RFC2: variants seen among roughly 807,000 people sequenced by gnomAD.
RFC2 encodes the protein replication factor C subunit 2, also known as A1 40 kDa subunit.
RFC2 carries 34 observed loss-of-function variants against 44.8 expected under a neutral mutation model. The observed-to-expected ratio is 0.76, with a 90% confidence interval of 0.58 to 1.01. The LOEUF (loss-of-function observed/expected upper bound fraction) is 1.01. Among genes scored for constraint, RFC2 ranks in the 50% least tolerant of loss-of-function variants. The pLI, the probability that RFC2 is intolerant of heterozygous loss-of-function variation, is 0.00. For missense variants in RFC2, 400 were observed against 453.6 expected (o/e 0.88, Z 1.07); for synonymous variants, 177 against 168.9 (o/e 1.05, Z -0.37).
At chr7:74,243,303 G>A (rs1391411654) in intron 5 of RFC2, 57 bp from the exon 6 acceptor site, 11 of 1,200,244 alleles carry the variant, frequency 9.2e-6, no homozygotes, top group Admixed American at 3.4e-5. Context: ...GACACAAATC[G>A]TTCCCTATAC....
chr7:74,238,820 G>T lies in RFC2; in HGVS notation c.759+103C>A. The stretch of plus-strand genomic sequence containing the variant: ...GGGCTCCCTGGCACCCACAAGAGCA[G>T]CTAGATGTCCGTCCCCACTGCCAGC... On this transcript the variant is annotated intron_variant, in intron 8 of 10. Transcript: ENST00000055077. This position sits in a 1 kb window ranked among gnomAD's most constrained non-coding sequence, Gnocchi z 4.0. The T allele has an allele frequency of 1.1e-6, 1 of 880,202 alleles. No homozygotes were observed. Among genetic ancestry groups the T allele is most frequent in the Non-Finnish European group, 1.9e-6 (1 of 531,510 alleles). 54.5% of individuals were successfully genotyped at this position (880,202 alleles called of 1,614,324 possible). A position where few individuals can be genotyped will look rare whatever the true frequency, so the allele number is the denominator to read the frequency against.
chr7:74,244,033 T>C (rs1803471521), intron 5 of RFC2, among the ~76,000 whole-genome samples: 1 of 149,646 alleles, frequency 6.7e-6, no homozygotes, highest in Non-Finnish European at 1.5e-5. Context: ...GGTGGCTCTC[T>C]TGAGGTCAGG....
At chr7:74,242,903 A>G (rs1803417020) in intron 6 of RFC2, among the ~76,000 whole-genome samples, 1 of 151,402 alleles carries the variant, frequency 6.6e-6, no homozygotes, top group African/African-American at 2.4e-5. Context: ...AGCCTAGGCG[A>G]CAGAGTGAGA....
At position 74,243,102 on chromosome 7, in the gene RFC2, G is replaced by A. The variant is rs781810359; in HGVS notation, c.535+44C>T. On this transcript the variant is annotated intron_variant, in intron 6 of 10. Transcript: ENST00000055077. ...CATCTATAAAAAAGAAAAAAGCCCAGTTGAGCACCACGTGGCCCCCAGCCA... is the reference window on the plus strand; with the variant it reads ...CATCTATAAAAAAGAAAAAAGCCCAATTGAGCACCACGTGGCCCCCAGCCA... 1.7e-5 allele frequency: 22 copies of A among 1,319,150 alleles called. No homozygotes were observed. The South Asian group carries it at 2.0e-4, about 12-fold the overall frequency. 81.7% of individuals were successfully genotyped at this position (1,319,150 alleles called of 1,614,324 possible). A position where few individuals can be genotyped will look rare whatever the true frequency, so the allele number is the denominator to read the frequency against.
intron 6 of RFC2, among the ~76,000 whole-genome samples, chr7:74,242,633 G>A (rs1272732897): frequency 6.6e-6 from 1 of 151,590 alleles, no homozygotes; most frequent in Non-Finnish European, 1.5e-5. Flanking sequence ...GAGCCAAGGC[G>A]AGGCCAGGTG....
At chr7:74,247,936 CTT>C (rs1195825890) in intron 4 of RFC2, among the ~76,000 whole-genome samples, 7 of 152,048 alleles carry the variant, frequency 4.6e-5, no homozygotes, top group Admixed American at 1.3e-4. Context: ...TGCATATTAA[CTT>C]ATACACATCC....
At chr7:74,233,585 G>A (rs1185594783) in intron 10 of RFC2, among the ~76,000 whole-genome samples, 3 of 137,104 alleles carry the variant, frequency 2.2e-5, no homozygotes, top group Non-Finnish European at 3.2e-5. Context: ...TTTTGTTGTT[G>A]TTGTTATTGG....
At chr7:74,246,416 A>G (rs1174705066) in intron 5 of RFC2, among the ~76,000 whole-genome samples, 5 of 151,764 alleles carry the variant, frequency 3.3e-5, no homozygotes, top group African/African-American at 4.8e-5. Flanking sequence ...AAAAAAAACA[A>G]AAACCCTCAT....
rs1554717732 is a variant in RFC2, at chr7:74,233,859, G to A, written c.955-1643C>T. ...CTCCGGAATGCTGGTGGGAATGCAC[G>A]TGCTGCAGCCACTTCGGAAAACCGT... On this transcript the variant is annotated intron_variant, in intron 10 of 10. Transcript: ENST00000055077. 8.8e-6 allele frequency: 4 copies of A among 456,556 alleles called. No homozygotes were observed. The East Asian group carries it at 2.1e-4, about 24-fold the overall frequency. 28.3% of individuals were successfully genotyped at this position (456,556 alleles called of 1,614,324 possible).
At chr7:74,250,460 G>C (rs1554720876) in intron 2 of RFC2, among the ~76,000 whole-genome samples, 1 of 151,922 alleles carries the variant, frequency 6.6e-6, no homozygotes, top group East Asian at 1.9e-4. Context: ...CTTCAAAACT[G>C]AACACTTCAT....
rs781821398 is a variant in RFC2, at chr7:74,239,940, G to C, written c.691C>G (p.Gln231Glu). Reference sequence around the variant, plus strand: ...CTGAATGGTAGCAGCCCACATACCTGCCTCATGTCTCCCTGGGCCGTGAAG... The same window carrying C: ...CTGAATGGTAGCAGCCCACATACCTCCCTCATGTCTCCCTGGGCCGTGAAG... ...IIFTAQGDMR[Q>E]ALNNLQSTFS... The change falls in exon 7 of 11, where the codon CAG becomes GAG. Residue 231 changes from glutamine (Q) to glutamate (E), a missense_variant and splice_region_variant. Coordinates refer to ENST00000055077, the MANE Select transcript of RFC2 (RefSeq NM_181471.3). 2.5e-5 allele frequency: 40 copies of C among 1,602,302 alleles called. No homozygotes were observed. The highest frequency in any genetic ancestry group is 3.4e-5 in the Non-Finnish European group (40 of 1,174,368).
chr7:74,246,789 G>C lies in RFC2; in HGVS notation c.333-26C>G, dbSNP rs370069069. On this transcript the variant is annotated intron_variant, in intron 4 of 10. Coordinates refer to ENST00000055077, the MANE Select transcript of RFC2 (RefSeq NM_181471.3). ...CTGAAAGAATGACAGGTTTTTACTG[G>C]CACCTTCTGAGACCAATTCAGTTGC... The C allele has an allele frequency of 3.3e-6, 5 of 1,507,674 alleles. No homozygotes were observed. In the South Asian group the frequency reaches 5.7e-5, roughly 17 times the overall value. The allele number at this position is 1,507,674 out of a possible 1,614,324, so 93.4% of individuals were successfully genotyped here. A position where few individuals can be genotyped will look rare whatever the true frequency, so the allele number is the denominator to read the frequency against.
At chr7:74,240,968 T>C (rs1384556305) in intron 6 of RFC2, among the ~76,000 whole-genome samples, 1 of 152,004 alleles carries the variant, frequency 6.6e-6, no homozygotes, top group African/African-American at 2.4e-5. Context: ...AGTCTCTCTG[T>C]TGCCCAGGCT....
At chr7:74,233,708 C>T (rs954138697) in intron 10 of RFC2, 3 of 419,810 alleles carry the variant, frequency 7.1e-6, no homozygotes, top group South Asian at 5.0e-5. Context: ...TCAAGCGATC[C>T]TCCTCCCTCA....
chr7:74,246,770 G>T lies in RFC2; in HGVS notation c.333-7C>A. 6.3e-7 allele frequency: 1 copy of T among 1,599,228 alleles called. No homozygotes were observed. The highest frequency in any genetic ancestry group is 8.6e-7 in the Non-Finnish European group (1 of 1,168,028). ...CCTCACAACGTCAATGCCCCTGAAA[G>T]AATGACAGGTTTTTACTGGCACCTT... On this transcript the variant is annotated splice_polypyrimidine_tract_variant and splice_region_variant and intron_variant, in intron 4 of 10. Transcript: ENST00000055077.
chr7:74,253,479 C>T (rs934824939), intron 1 of RFC2: 4 of 152,196 alleles, frequency 2.6e-5, no homozygotes, highest in African/African-American at 4.8e-5. Context: ...AATCCCAGCA[C>T]TTTGGGAAGG....
chr7:74,249,846 G>GA (rs782504934), intron 2 of RFC2, 66 bp from the exon 3 acceptor site: 14 of 1,377,722 alleles, frequency 1.0e-5, no homozygotes, highest in Non-Finnish European at 1.4e-5. Flanking sequence ...AAAAAAGATA[G>GA]AAAAAAGAAC....
intron 5 of RFC2, among the ~76,000 whole-genome samples, chr7:74,244,096 C>CAA (rs1179272254): frequency 0.012 from 501 of 41,606 alleles, 4 homozygotes; most frequent in African/African-American, 0.035. Context: ...ACTAAAAATA[C>CAA]AAAAAAAAAA....
chr7:74,248,353 G>A (rs898490716), intron 4 of RFC2, among the ~76,000 whole-genome samples: 2 of 151,680 alleles, frequency 1.3e-5, no homozygotes, highest in African/African-American at 2.4e-5. Context: ...AGAAAAAGCT[G>A]GCATGGTGGC....
Sources: allele counts gnomAD v4.1 joint callset (sites outside exome capture counted in the v4.1 genomes callset), GRCh38; gene constraint gnomAD v4.1.1; non-coding constraint Gnocchi (gnomAD v3.1); transcripts MANE v1.5; gene names NCBI Gene and HGNC (gene_info 2026-07-23, HGNC 2026-07-21).